Variants in MAP3K7 observed in about 807,000 individuals in gnomAD.
MAP3K7 encodes the protein mitogen-activated protein kinase kinase kinase 7.
Under a neutral mutation model 84.8 loss-of-function variants are expected in MAP3K7, and 21 were observed. That is an observed-to-expected ratio of 0.25 (90% CI 0.18 to 0.36). MAP3K7 has a LOEUF of 0.36. MAP3K7 is among the 10% of genes least tolerant of loss of function. The pLI, the probability that MAP3K7 is intolerant of heterozygous loss-of-function variation, is 1.00. For synonymous variants in MAP3K7, 241 were observed against 247.7 expected (o/e 0.97, Z 0.25); for missense variants, 503 against 747.7 (o/e 0.67, Z 3.82).
chr6:90,556,959 T>C (rs1477940366), intron 5 of MAP3K7, among the ~76,000 whole-genome samples: 1 of 152,316 alleles, frequency 6.6e-6, no homozygotes, highest in African/African-American at 2.4e-5. Flanking sequence ...TAGGTCAACA[T>C]TACGGTATCC....
At chr6:90,577,477 AAGAGGTAACCAAAAATAAT>A (rs777666249) in intron 1 of MAP3K7, among the ~76,000 whole-genome samples, 10,676 of 152,246 alleles carry the variant, frequency 0.07, 369 homozygotes, top group South Asian at 0.087. Flanking sequence ...AATCAGTTGG[AAGAGGTAACCAAAAATAAT>A]ATGGAGATAG....
Position 90,543,982 on chromosome 6 carries a change from A to C in MAP3K7, c.1291+570T>G, listed in dbSNP as rs1775928337. ...TAATACACAAAAATCAGAATTGACC[A>C]ACTATTTTACATGATTCTTTGGCAA... On this transcript the variant is annotated intron_variant, in intron 12 of 16. Coordinates refer to ENST00000369329, the MANE Select transcript of MAP3K7 (RefSeq NM_145331.3). Among the ~76,000 whole-genome samples the C allele has an allele frequency of 2.0e-5, 3 of 152,150 alleles. No individual in the cohort carries two copies. In the South Asian group the frequency reaches 6.2e-4, roughly 31 times the overall value.
chr6:90,521,460 T>C (rs1026792872), intron 14 of MAP3K7, among the ~76,000 whole-genome samples: 1 of 152,080 alleles, frequency 6.6e-6, no homozygotes, highest in African/African-American at 2.4e-5. Context: ...CTTTCTGCTT[T>C]ATGGCTAAAG....
chr6:90,553,412 T>C lies in MAP3K7; in HGVS notation c.736+46A>G, dbSNP rs758366535. The C allele has an allele frequency of 3.2e-6, 5 of 1,581,518 alleles. No individual in the cohort carries two copies. In the South Asian group the frequency reaches 4.6e-5, roughly 14 times the overall value. ...AAGGGGACAGGAGTAGTCTTCCAAG[T>C]AGAAAACACAAAAAGTACTTTTAAG... On this transcript the variant is annotated intron_variant, in intron 7 of 16. Coordinates refer to ENST00000369329, the MANE Select transcript of MAP3K7 (RefSeq NM_145331.3).
intron 11 of MAP3K7, among the ~76,000 whole-genome samples, chr6:90,545,104 TTAAA>T (rs1775962760): frequency 6.6e-6 from 1 of 151,904 alleles, no homozygotes; most frequent in Admixed American, 6.6e-5. Flanking sequence ...AATCCAATGA[TTAAA>T]TAATAATTAT....
chr6:90,545,389 AAATAAT>A (rs1223698880), intron 11 of MAP3K7, among the ~76,000 whole-genome samples: 2 of 152,142 alleles, frequency 1.3e-5, no homozygotes, highest in Non-Finnish European at 2.9e-5. Context: ...TCATTTCTGT[AAATAAT>A]AATAAAAAAC....
chr6:90,582,150 C>G (rs566869463), intron 1 of MAP3K7, among the ~76,000 whole-genome samples: 79 of 152,266 alleles, frequency 5.2e-4, no homozygotes, highest in African/African-American at 1.9e-3. Context: ...CTCATAGCAT[C>G]TGGCCCTTTA....
chr6:90,532,757 G>A (rs1410538449), intron 13 of MAP3K7, among the ~76,000 whole-genome samples: 1 of 152,298 alleles, frequency 6.6e-6, no homozygotes, highest in East Asian at 1.9e-4. Context: ...GCAGTCATTG[G>A]TAGAAATTTA....
chr6:90,569,798 TC>T (rs1353037466), intron 2 of MAP3K7, among the ~76,000 whole-genome samples: 2 of 152,066 alleles, frequency 1.3e-5, no homozygotes, highest in African/African-American at 4.8e-5. Flanking sequence ...TATTAATGCA[TC>T]CCGCTCCACA....
intron 1 of MAP3K7, among the ~76,000 whole-genome samples, chr6:90,575,282 C>G (rs1777036668): frequency 6.6e-6 from 1 of 152,128 alleles, no homozygotes; most frequent in African/African-American, 2.4e-5. Flanking sequence ...TAAACACTTA[C>G]CAGCTGAAGA....
chr6:90,564,959 C>T (rs1776653378), intron 3 of MAP3K7, among the ~76,000 whole-genome samples: 1 of 152,194 alleles, frequency 6.6e-6, no homozygotes, highest in Non-Finnish European at 1.5e-5. Flanking sequence ...CAATGGACTA[C>T]TGGGTACGTA....
intron 5 of MAP3K7, 84 bp downstream of exon 5, chr6:90,559,992 C>A: frequency 2.0e-6 from 3 of 1,498,118 alleles, no homozygotes; most frequent in Non-Finnish European, 1.8e-6. Context: ...CAATAATGAG[C>A]TTGAATTAGA....
At chr6:90,534,689 T>C (rs1775609061) in intron 13 of MAP3K7, among the ~76,000 whole-genome samples, 6 of 152,148 alleles carry the variant, frequency 3.9e-5, no homozygotes, top group Admixed American at 2.0e-4. Context: ...AGACTTGGTG[T>C]GGGAAGATCA....
At chr6:90,583,727 C>T (rs1777353704) in intron 1 of MAP3K7, among the ~76,000 whole-genome samples, 2 of 152,172 alleles carry the variant, frequency 1.3e-5, no homozygotes, top group South Asian at 4.1e-4. Context: ...ATGGCAGAAT[C>T]AGTACAGCAT....
chr6:90,544,442 G>C, intron 12 of MAP3K7, 110 bp downstream of exon 12: 1 of 877,606 alleles, frequency 1.1e-6, no homozygotes, highest in Non-Finnish European at 1.9e-6. Context: ...TGCATGCAAG[G>C]TATCCATTTT....
chr6:90,522,606 C>T (rs902176473), intron 14 of MAP3K7, among the ~76,000 whole-genome samples: 1 of 152,062 alleles, frequency 6.6e-6, no homozygotes, highest in Non-Finnish European at 1.5e-5. Context: ...CTAGGTTGGG[C>T]TGTGCTAGGG....
intron 4 of MAP3K7, among the ~76,000 whole-genome samples, chr6:90,561,378 C>G (rs1776509272): frequency 6.6e-6 from 1 of 151,932 alleles, no homozygotes; most frequent in African/African-American, 2.4e-5. Context: ...TAAACTTTTA[C>G]TTAAATGCTT....
chr6:90,536,448 G>A, intron 12 of MAP3K7, 47 bp from the exon 13 acceptor site: 1 of 1,415,764 alleles, frequency 7.1e-7, no homozygotes, highest in Non-Finnish European at 9.9e-7. Flanking sequence ...TAGTCAAACA[G>A]ACAAAAAGCG....
chr6:90,525,949 A>G (rs1775308400), intron 13 of MAP3K7, among the ~76,000 whole-genome samples: 1 of 152,182 alleles, frequency 6.6e-6, no homozygotes, highest in Non-Finnish European at 1.5e-5. Context: ...CCTGGGCTCA[A>G]GTGATCCTCC....
Sources: gnomAD v4.1 joint callset for allele counts (sites outside exome capture counted in the v4.1 genomes callset) on GRCh38, gnomAD v4.1.1 for gene constraint, MANE v1.5 for transcripts, NCBI Gene and HGNC (gene_info 2026-07-23, HGNC 2026-07-21) for gene names.